The following SNX1 variants were observed in gnomAD, a reference collection of about 807,000 sequenced individuals.
The protein encoded by SNX1 is sorting nexin-1.
SNX1 carries 36 observed loss-of-function variants against 71.8 expected under a neutral mutation model. The ratio of observed to expected loss-of-function variants is 0.50; its 90% confidence interval spans 0.38 to 0.66. SNX1 has a LOEUF of 0.66. Among genes scored for constraint, SNX1 ranks in the 30% least tolerant of loss-of-function variants. The pLI, the probability that SNX1 is intolerant of heterozygous loss-of-function variation, is 0.00. For synonymous variants in SNX1, 254 were observed against 240.7 expected (o/e 1.06, Z -0.51); for missense variants, 612 against 646.7 (o/e 0.95, Z 0.58).
intron 8 of SNX1, 133 bp downstream of exon 8, chr15:64,127,939 T>A: frequency 1.6e-6 from 1 of 633,764 alleles, no homozygotes; most frequent in South Asian, 2.0e-5. Context: ...TGTGAACCCC[T>A]GAGAGTGACA....
At chr15:64,113,853 G>A (rs910661605) in intron 2 of SNX1, among the ~76,000 whole-genome samples, 1 of 151,896 alleles carries the variant, frequency 6.6e-6, no homozygotes, top group Non-Finnish European at 1.5e-5. Context: ...GAGAGAGAGA[G>A]AGAGAAAGAA....
intron 1 of SNX1, among the ~76,000 whole-genome samples, chr15:64,098,657 T>G (rs1011535936): frequency 7.3e-6 from 1 of 136,792 alleles, no homozygotes; most frequent in Non-Finnish European, 1.5e-5. Context: ...GCCACTGTGC[T>G]CCAGCCTAGG....
chr15:64,136,370 G>C lies in SNX1; in HGVS notation c.1406G>C (p.Arg469Thr), dbSNP rs1418794109. Reference sequence around the variant, plus strand: ...ACTCAATATGAAAGGGACTTCGAGAGGATTTCAACAGTGGTCCGAAAAGAA... The same window carrying C: ...ACTCAATATGAAAGGGACTTCGAGACGATTTCAACAGTGGTCCGAAAAGAA... ...RVTQYERDFE[R>T]ISTVVRKEVI... Residue 469 changes from arginine to threonine, a missense_variant, in exon 13 of 15, where the codon AGG (arginine) becomes ACG (threonine). Physicochemically the swap from Arg to Thr is moderately conservative, Grantham distance 71. Around this residue, in one of 2 missense-constraint regions of SNX1, gnomAD observed 296 missense variants for 361.9 expected, o/e 0.82. Coordinates refer to ENST00000559844, the MANE Select transcript of SNX1 (RefSeq NM_003099.5). 6.2e-7 allele frequency: 1 copy of C among 1,614,010 alleles called. No homozygotes were observed. The highest frequency in any genetic ancestry group is 2.2e-5 in the East Asian group (1 of 44,892).
rs2081438259 is a variant in SNX1 at position 64,143,853 on chromosome 15, C to T, written c.*6235C>T. 6.6e-6 allele frequency: 1 copy of T among 152,126 alleles called. No individual in the cohort carries two copies. Among genetic ancestry groups the T allele is most frequent in the African/African-American group, 2.4e-5 (1 of 41,416 alleles). The allele number at this position is 152,126 out of a possible 1,614,324, so 9.4% of individuals were successfully genotyped here. On this transcript the variant is annotated 3_prime_UTR_variant, in exon 15 of 15. Transcript: ENST00000559844. ...TTGAAGATGACTAACCAGAAATGCC[C>T]GTCATAGCACTGTTTACAGTTGCAA...
At position 64,127,262 on chromosome 15, in the gene SNX1, A is replaced by G; in HGVS notation, c.731+10A>G. 3.7e-6 allele frequency: 6 copies of G among 1,605,474 alleles called. No homozygotes were observed. The highest frequency in any genetic ancestry group is 5.1e-6 in the Non-Finnish European group (6 of 1,174,626). On this transcript the variant is annotated intron_variant, in intron 7 of 14. Transcript: ENST00000559844. ...GGGCCGCTTTAGAAAGGTAAGTGCC[A>G]TGCAGCCATTTTCCTGAATAATGTG...
Position 64,139,088 on chromosome 15 carries a change from C to T in SNX1, c.*1470C>T, listed in dbSNP as rs1185860281. 1 of 152,206 alleles carries T rather than the reference C, an allele frequency of 6.6e-6. No homozygotes were observed. The highest frequency in any genetic ancestry group is 2.4e-5 in the African/African-American group (1 of 41,450). The allele number at this position is 152,206 out of a possible 1,614,324, so 9.4% of individuals were successfully genotyped here. On this transcript the variant is annotated 3_prime_UTR_variant, in exon 15 of 15. Transcript: ENST00000559844. The stretch of plus-strand genomic sequence containing the variant: ...GGAAAAAGTCACTCTCCCTACCCCT[C>T]AGTATCCTTACCATCAACTTTGGTT...
At chr15:64,113,794 C>T (rs532262465) in intron 2 of SNX1, among the ~76,000 whole-genome samples, 3 of 151,748 alleles carry the variant, frequency 2.0e-5, no homozygotes, top group Admixed American at 6.6e-5. Context: ...ACACTGCAGC[C>T]TGGGTGACAG....
At chr15:64,124,040 G>A (rs1202000185) in intron 5 of SNX1, among the ~76,000 whole-genome samples, 1 of 151,380 alleles carries the variant, frequency 6.6e-6, no homozygotes, top group Non-Finnish European at 1.5e-5. Context: ...TTAAAGTTGA[G>A]TATCATTGGA....
intron 1 of SNX1, among the ~76,000 whole-genome samples, chr15:64,108,558 T>G (rs983778006): frequency 7.2e-5 from 11 of 152,232 alleles, no homozygotes; most frequent in African/African-American, 2.4e-4. Context: ...CTGCTCAGTT[T>G]TTTTAAAAAT....
intron 4 of SNX1, among the ~76,000 whole-genome samples, chr15:64,122,768 T>G (rs2081208922): frequency 6.6e-6 from 1 of 152,220 alleles, no homozygotes; most frequent in South Asian, 2.1e-4. Context: ...TTTTCAGTGC[T>G]CAGGATATCA....
chr15:64,119,737 A>ACAC (rs1555491446), intron 4 of SNX1, among the ~76,000 whole-genome samples: 5 of 141,056 alleles, frequency 3.5e-5, no homozygotes, highest in East Asian at 2.1e-4. Flanking sequence ...AAAAAAAAAA[A>ACAC]ACACACACAC....
At chr15:64,135,932 A>T (rs1334153539) in intron 12 of SNX1, among the ~76,000 whole-genome samples, 2 of 143,756 alleles carry the variant, frequency 1.4e-5, no homozygotes, top group South Asian at 4.3e-4. Context: ...AAAAAAAAAA[A>T]TCTTGGCAGG....
Position 64,142,764 on chromosome 15 carries a change from A to G in SNX1, c.*5146A>G. ...CTGGACTTCGAGCTGGTGTGATCCC[A>G]GTATTCAGTGTCAGTACTCAGTGAC... On this transcript the variant is annotated 3_prime_UTR_variant, in exon 15 of 15. Transcript: ENST00000559844. The G allele has an allele frequency of 2.2e-6, 1 of 451,736 alleles. No individual in the cohort carries two copies. The highest frequency in any genetic ancestry group is 1.6e-5 in the South Asian group (1 of 63,750). The allele number at this position is 451,736 out of a possible 1,614,324, so 28.0% of individuals were successfully genotyped here.
intron 1 of SNX1, among the ~76,000 whole-genome samples, chr15:64,100,010 C>A (rs2080941957): frequency 6.6e-6 from 1 of 152,220 alleles, no homozygotes; most frequent in Non-Finnish European, 1.5e-5. Flanking sequence ...CCATGCCCGA[C>A]CGACCTCAAT....
At chr15:64,137,035 GGCTGGGCCCT>G in intron 14 of SNX1, 103 bp downstream of exon 14, 1 of 852,232 alleles carries the variant, frequency 1.2e-6, no homozygotes, top group Admixed American at 2.1e-5. Context: ...GCTTCTGAGG[GGCTGGGCCCT>G]CCTATAGTCC....
chr15:64,143,554 T>A lies in SNX1; in HGVS notation c.*5936T>A, dbSNP rs1214177913. The A allele has an allele frequency of 2.0e-5, 3 of 152,220 alleles. No homozygotes were observed. The highest frequency in any genetic ancestry group is 1.3e-4 in the Admixed American group (2 of 15,278). 9.4% of individuals were successfully genotyped at this position (152,220 alleles called of 1,614,324 possible). On this transcript the variant is annotated 3_prime_UTR_variant, in exon 15 of 15. Transcript: ENST00000559844. ...TCACCTTTCCCTCTTTATCTCCCAG[T>A]CCTTCCCAACAGCGCCGACACCTCA...
chr15:64,130,058 C>A (rs1781892196), intron 9 of SNX1, 29 bp downstream of exon 9: 2 of 1,551,806 alleles, frequency 1.3e-6, no homozygotes, highest in Non-Finnish European at 1.8e-6. Flanking sequence ...CTTACCTCCA[C>A]CTACACCTCA....
intron 4 of SNX1, among the ~76,000 whole-genome samples, chr15:64,122,919 T>C (rs1484776736): frequency 6.6e-6 from 1 of 152,102 alleles, no homozygotes; most frequent in African/African-American, 2.4e-5. Flanking sequence ...TGTGTGACAT[T>C]AGGCAGCCAA....
intron 1 of SNX1, among the ~76,000 whole-genome samples, chr15:64,102,339 C>A (rs1030492268): frequency 1.3e-5 from 2 of 151,602 alleles, no homozygotes; most frequent in Admixed American, 1.3e-4. Flanking sequence ...AGTGTGATGA[C>A]CAAATCAAGG....
Sources: gnomAD v4.1 joint callset for allele counts (sites outside exome capture counted in the v4.1 genomes callset) on GRCh38, gnomAD v4.1.1 for gene constraint, gnomAD v4.1.1 regional missense constraint, MANE v1.5 for transcripts, NCBI Gene and HGNC (gene_info 2026-07-23, HGNC 2026-07-21) for gene names.